Variants in UTP20 observed in about 807,000 individuals in gnomAD.
The protein encoded by UTP20 is small subunit processome component 20 homolog.
A neutral mutation model predicts 329.5 loss-of-function variants in UTP20; 164 were observed. The observed-to-expected ratio is 0.50, with a 90% confidence interval of 0.44 to 0.57. The LOEUF (loss-of-function observed/expected upper bound fraction) is 0.57, where lower values mean the gene tolerates loss of function less well. Ranked by LOEUF, UTP20 falls within the 20% of genes least tolerant of loss-of-function variation. The pLI, the probability that UTP20 is intolerant of heterozygous loss-of-function variation, is 0.00. For synonymous variants in UTP20, 1,151 were observed against 1,159.3 expected, an observed-to-expected ratio of 0.99 and a Z score of 0.14; for missense variants, 3,055 against 3,284.2, an observed-to-expected ratio of 0.93 and a Z score of 1.71.
chr12:101,285,881 A>T lies in UTP20; in HGVS notation c.326A>T (p.Asp109Val). The change falls in exon 4 of 62, where the codon GAT (aspartate) becomes GTT (valine). Residue 109 changes from aspartate to valine, a missense_variant and splice_region_variant. Around this residue, in one of 3 missense-constraint regions of UTP20, gnomAD observed 2,445 missense variants for 2,575.5 expected, o/e 0.95. Transcript: ENST00000261637. ...AGTTTTGCCTATCAACCCCTTTTGG[A>T]GTAAGTAGCATCTTGAGAGAAAGCT... ...KNSFAYQPLLDLVVQLARDLQ... is the reference protein window; with the variant it reads ...KNSFAYQPLLVLVVQLARDLQ... 6.2e-7 allele frequency: 1 copy of T among 1,612,678 alleles called. No individual in the cohort carries two copies. Among genetic ancestry groups the T allele is most frequent in the Non-Finnish European group, 8.5e-7 (1 of 1,179,594 alleles).
rs535107469 is a variant in UTP20 at position 101,288,996 on chromosome 12, T to A, written c.552T>A (p.His184Gln). The A allele has an allele frequency of 3.7e-6, 6 of 1,613,976 alleles. No homozygotes were observed. In the African/African-American group the frequency reaches 6.7e-5, roughly 18 times the overall value. ...YSTLLAHKKLHIRNFAAESFT... is the reference protein window; with the variant it reads ...YSTLLAHKKLQIRNFAAESFT... ...CACTCCTGGCTCATAAAAAACTACA[T>A]ATAAGAAATTTTGCTGCTGAAAGTT... is the stretch of plus-strand genomic sequence containing the variant. The change falls in exon 6 of 62, where the codon CAT becomes CAA. Residue 184 changes from histidine to glutamine, a missense_variant. Transcript: ENST00000261637.
chr12:101,300,495 G>T (rs1872492109), intron 14 of UTP20, among the ~76,000 whole-genome samples: 2 of 152,016 alleles, frequency 1.3e-5, no homozygotes, highest in African/African-American at 4.8e-5. Flanking sequence ...ACCCTTCTAG[G>T]TCTTTGTCAT....
At chr12:101,290,944 T>C in intron 8 of UTP20, 56 bp downstream of exon 8, 1 of 1,551,874 alleles carries the variant, frequency 6.4e-7, no homozygotes, top group Non-Finnish European at 8.7e-7. Context: ...AATTTACTGT[T>C]TCTGCTCTCA....
chr12:101,310,761 T>C (rs999646768), intron 19 of UTP20, among the ~76,000 whole-genome samples: 3 of 151,920 alleles, frequency 2.0e-5, no homozygotes, highest in Admixed American at 6.6e-5. Context: ...AATAAGAGAG[T>C]TAACATTTAT....
Position 101,342,937 on chromosome 12 carries a change from A to G in UTP20, c.4297-4A>G. On this transcript the variant is annotated splice_region_variant and splice_polypyrimidine_tract_variant and intron_variant, in intron 34 of 61. Coordinates refer to ENST00000261637, the MANE Select transcript of UTP20 (RefSeq NM_014503.3). The stretch of plus-strand genomic sequence containing the variant: ...TTATATAACTTCAATGGCATTTCTT[A>G]TAGCTTAACGCCTTCGATCAAAGAC... The G allele has an allele frequency of 6.2e-7, 1 of 1,611,402 alleles. No homozygotes were observed. The highest frequency in any genetic ancestry group is 8.5e-7 in the Non-Finnish European group (1 of 1,179,342).
At chr12:101,293,625 T>C (rs1427730432) in intron 11 of UTP20, among the ~76,000 whole-genome samples, 1 of 152,198 alleles carries the variant, frequency 6.6e-6, no homozygotes, top group Non-Finnish European at 1.5e-5. Flanking sequence ...TTTATTTTAT[T>C]TTTTTCTCTT....
Position 101,357,031 on chromosome 12 carries a change from C to T in UTP20, c.5640C>T (p.Phe1880=). Residue 1880 remains phenylalanine, a synonymous_variant, in exon 43 of 62, where the codon TTC becomes TTT. Transcript: ENST00000261637. ...AKIIEDLGVH[F]LLYVLKELQT... is the part of the protein sequence containing the mutation. The stretch of plus-strand genomic sequence containing the variant: ...TAATAGAGGATCTTGGTGTGCACTT[C>T]CTCCTATATGTTTTAAAAGAATTAC... The T allele has an allele frequency of 6.2e-7, 1 of 1,613,834 alleles. No homozygotes were observed.
In UTP20 at chr12:101,362,066, A is replaced by C; in HGVS notation, c.5790+6A>C. 1.7e-5 allele frequency: 27 copies of C among 1,603,570 alleles called. No individual in the cohort carries two copies. The highest frequency in any genetic ancestry group is 2.2e-5 in the Non-Finnish European group (26 of 1,174,930). The stretch of plus-strand genomic sequence containing the variant: ...GTTTAGATATAATGATTGAGGTAAG[A>C]CTTACAGAAACGAATTCTAATTTTT... On this transcript the variant is annotated splice_donor_region_variant and intron_variant, in intron 44 of 61. Coordinates refer to ENST00000261637, the MANE Select transcript of UTP20 (RefSeq NM_014503.3).
chr12:101,303,748 T>A (rs1431951118), intron 15 of UTP20, among the ~76,000 whole-genome samples: 1 of 152,196 alleles, frequency 6.6e-6, no homozygotes, highest in Non-Finnish European at 1.5e-5. Flanking sequence ...GGAATGACTT[T>A]GACCTAAACA....
intron 27 of UTP20, 126 bp downstream of exon 27, chr12:101,329,575 G>T: frequency 1.1e-6 from 1 of 898,480 alleles, no homozygotes; most frequent in South Asian, 2.2e-5. Context: ...CCAGAACAAA[G>T]CCCAAAATTG....
intron 27 of UTP20, 116 bp downstream of exon 27, chr12:101,329,565 C>A: frequency 9.3e-7 from 1 of 1,074,554 alleles, no homozygotes; most frequent in South Asian, 1.9e-5. Context: ...AAGTTTGATC[C>A]CAGAACAAAG....
intron 12 of UTP20, among the ~76,000 whole-genome samples, chr12:101,296,901 A>G (rs866042392): frequency 2.6e-5 from 4 of 152,320 alleles, no homozygotes; most frequent in African/African-American, 7.2e-5. Flanking sequence ...GAGAAGATTT[A>G]TTGTATCATT....
At chr12:101,295,815 C>A (rs531007960) in intron 12 of UTP20, among the ~76,000 whole-genome samples, 157 bp downstream of exon 12, 153 of 151,842 alleles carry the variant, frequency 1.0e-3, no homozygotes, top group Non-Finnish European at 1.9e-3. Flanking sequence ...ACACATAGTA[C>A]GTATAGTATG....
Position 101,379,463 on chromosome 12 carries a change from G to A in UTP20, c.7489G>A (p.Glu2497Lys). 6.2e-7 allele frequency: 1 copy of A among 1,614,146 alleles called. No individual in the cohort carries two copies. The highest frequency in any genetic ancestry group is 8.5e-7 in the Non-Finnish European group (1 of 1,180,004). Residue 2497 changes from glutamate to lysine, a missense_variant, in exon 57 of 62, where the codon GAG becomes AAG. Glu to Lys is a moderately conservative substitution (Grantham distance 56). Around this residue, in one of 3 missense-constraint regions of UTP20, gnomAD observed 337 missense variants for 345.5 expected, o/e 0.98. Transcript: ENST00000261637. Reference protein sequence around the residue: ...FGLLFASCQPEELIQKWNTKK... With the variant: ...FGLLFASCQPKELIQKWNTKK... ...ATTACTCTTTGCCTCTTGCCAGCCAGAGGAGCTTATTCAAAAATGGAATAC... is the reference window on the plus strand; with the variant it reads ...ATTACTCTTTGCCTCTTGCCAGCCAAAGGAGCTTATTCAAAAATGGAATAC...
At chr12:101,291,619 A>G (rs1872158030) in intron 8 of UTP20, 123 bp from the exon 9 acceptor site, 3 of 991,060 alleles carry the variant, frequency 3.0e-6, no homozygotes, top group Non-Finnish European at 4.2e-6. Flanking sequence ...AGTCCTGGTA[A>G]ATGTATCTTT....
At chr12:101,363,233 A>C (rs1240649058) in intron 44 of UTP20, among the ~76,000 whole-genome samples, 3 of 152,252 alleles carry the variant, frequency 2.0e-5, no homozygotes, top group Non-Finnish European at 4.4e-5. Flanking sequence ...AAATATTCTG[A>C]GAACTTCTTG....
chr12:101,317,169 C>T (rs944464832), intron 21 of UTP20, among the ~76,000 whole-genome samples: 1 of 152,192 alleles, frequency 6.6e-6, no homozygotes, highest in Admixed American at 6.6e-5. Flanking sequence ...AACCCCTCAT[C>T]CCCCAGTGGT....
At chr12:101,367,723 T>C in intron 47 of UTP20, 137 bp from the exon 48 acceptor site, 2 of 639,134 alleles carry the variant, frequency 3.1e-6, no homozygotes, top group Non-Finnish European at 5.6e-6. Context: ...CAGTTTGTCA[T>C]TCCTTAAAAA....
intron 12 of UTP20, among the ~76,000 whole-genome samples, chr12:101,298,001 GT>G (rs2137240774): frequency 6.6e-6 from 1 of 152,258 alleles, no homozygotes; most frequent in South Asian, 2.1e-4. Context: ...GGTCACCTTT[GT>G]TTTGATTCCT....
Sources: allele counts gnomAD v4.1 joint callset (sites outside exome capture counted in the v4.1 genomes callset), GRCh38; gene constraint gnomAD v4.1.1; regional missense constraint gnomAD v4.1.1; transcripts MANE v1.5; gene names NCBI Gene and HGNC (gene_info 2026-07-23, HGNC 2026-07-21).